SIX2: variants seen among roughly 807,000 people sequenced by gnomAD.
SIX2 encodes homeobox protein SIX2.
A neutral mutation model predicts 22.8 loss-of-function variants in SIX2; 20 were observed. The observed-to-expected ratio is 0.88, with a 90% CI of 0.62 to 1.28. The LOEUF (loss-of-function observed/expected upper bound fraction) is 1.28. Among genes scored for constraint, SIX2 ranks in the 50% most tolerant of loss-of-function variants. The pLI is 0.00. For synonymous variants in SIX2, 195 were observed against 186.4 expected (o/e 1.05, Z -0.37); for missense variants, 360 against 400.0 (o/e 0.90, Z 0.85).
chr2:45,008,685 C>A lies in SIX2; in HGVS notation c.426G>T (p.Trp142Cys). 1 of 1,614,078 alleles carries A rather than the reference C, an allele frequency of 6.2e-7. No individual in the cohort carries two copies. Among genetic ancestry groups the A allele is most frequent in the Non-Finnish European group, 8.5e-7 (1 of 1,179,960 alleles). Residue 142 changes from tryptophan to cysteine, a missense_variant, in exon 1 of 2, where the codon TGG (tryptophan) becomes TGT (cysteine). Trp to Cys is a radical substitution (Grantham distance 215). This residue lies in a region of SIX2 where 235 missense variants were observed against 231.9 expected (regional missense o/e 1.01). Transcript: ENST00000303077. ...KEKSRSVLRE[W>C]YAHNPYPSPR... ...GTGAAGGGTAGGGGTTGTGCGCGTACCACTCGCGCAGCACGCTGCGACTCT... is the reference window on the plus strand; with the variant it reads ...GTGAAGGGTAGGGGTTGTGCGCGTAACACTCGCGCAGCACGCTGCGACTCT...
chr2:45,008,680 G>A lies in SIX2; in HGVS notation c.431C>T (p.Ala144Val), dbSNP rs774627372. The A allele has an allele frequency of 1.9e-6, 3 of 1,613,980 alleles. No homozygotes were observed. In the East Asian group the frequency reaches 6.7e-5, roughly 36 times the overall value. Residue 144 changes from alanine (A) to valine (V), a missense_variant, in exon 1 of 2, where the codon GCG becomes GTG. Ala to Val is a moderately conservative substitution (Grantham distance 64). Transcript: ENST00000303077. ...KSRSVLREWY[A>V]HNPYPSPREK... is the part of the protein sequence containing the mutation. ...GCGGGGTGAAGGGTAGGGGTTGTGCGCGTACCACTCGCGCAGCACGCTGCG... is the reference window on the plus strand; with the variant it reads ...GCGGGGTGAAGGGTAGGGGTTGTGCACGTACCACTCGCGCAGCACGCTGCG...
Position 45,008,537 on chromosome 2 carries a change from C to G in SIX2, c.560+14G>C, listed in dbSNP as rs753713964. 1.9e-6 allele frequency: 3 copies of G among 1,612,670 alleles called. No individual in the cohort carries two copies. Among genetic ancestry groups the G allele is most frequent in the South Asian group, 1.1e-5 (1 of 91,076 alleles). On this transcript the variant is annotated intron_variant, in intron 1 of 1. Transcript: ENST00000303077. Reference sequence around the variant, plus strand: ...CCGGGGAGCTGGCGCCGAAGAAGGTCTACTTACTCGTACCTTTCCTTGGCC... The same window carrying G: ...CCGGGGAGCTGGCGCCGAAGAAGGTGTACTTACTCGTACCTTTCCTTGGCC...
At chr2:45,007,402 G>A (rs1667786819) in intron 1 of SIX2, among the ~76,000 whole-genome samples, 1 of 152,126 alleles carries the variant, frequency 6.6e-6, no homozygotes, top group Admixed American at 6.5e-5. Context: ...TTAAAATCCT[G>A]GGTAGGATCT....
At position 45,008,980 on chromosome 2, in the gene SIX2, T is replaced by C. The variant is rs761885079; in HGVS notation, c.131A>G (p.His44Arg). Reference sequence around the variant, plus strand: ...GGCCTTGAGCACGCTTTCATTCTTGTGAAGGTGCTCGCAGGCGGGCAGCGA... The same window carrying C: ...GGCCTTGAGCACGCTTTCATTCTTGCGAAGGTGCTCGCAGGCGGGCAGCGA... ...LWSLPACEHL[H>R]KNESVLKAKA... Residue 44 changes from histidine to arginine, a missense_variant, in exon 1 of 2, where the codon CAC becomes CGC. His to Arg is a conservative substitution (Grantham distance 29, BLOSUM62 0). Around this residue, in one of 3 missense-constraint regions of SIX2, gnomAD observed 118 missense variants for 135.1 expected, o/e 0.87. Coordinates refer to ENST00000303077, the MANE Select transcript of SIX2 (RefSeq NM_016932.5). The C allele has an allele frequency of 3.1e-6, 5 of 1,613,248 alleles. No individual in the cohort carries two copies. Among genetic ancestry groups the C allele is most frequent in the African/African-American group, 1.3e-5 (1 of 74,924 alleles).
rs1488391338 is a variant in SIX2 at position 45,006,498 on chromosome 2, G to A, written c.561-13C>T. The A allele has an allele frequency of 1.2e-6, 2 of 1,611,178 alleles. No homozygotes were observed. Among genetic ancestry groups the A allele is most frequent in the South Asian group, 1.1e-5 (1 of 91,046 alleles). On this transcript the variant is annotated splice_polypyrimidine_tract_variant and intron_variant, in intron 1 of 1. Coordinates refer to ENST00000303077, the MANE Select transcript of SIX2 (RefSeq NM_016932.5). The surrounding 1 kb of genome is among the most constrained non-coding windows in gnomAD (Gnocchi z 4.2). ...CTCGTTGTTCTCCCTGCAAGTGCGG[G>A]AGCAAAGCAGCGGGGTCAGCAGGGA...
In SIX2 at chr2:45,005,718, G is replaced by T; in HGVS notation, c.*452C>A. The T allele has an allele frequency of 3.4e-6, 1 of 297,826 alleles. No individual in the cohort carries two copies. The allele number at this position is 297,826 out of a possible 1,614,324, so 18.4% of individuals were successfully genotyped here. A position where few individuals can be genotyped will look rare whatever the true frequency, so the allele number is the denominator to read the frequency against. ...AAGAGAGGAGAAACAGAGAAGGAGA[G>T]AGAAAGGGAGAGACAGAAGGAGAGA... On this transcript the variant is annotated 3_prime_UTR_variant, in exon 2 of 2. Coordinates refer to ENST00000303077, the MANE Select transcript of SIX2 (RefSeq NM_016932.5).
rs1572647552 is a variant in SIX2, at chr2:45,005,334, C to T, written c.*836G>A. The T allele has an allele frequency of 6.6e-6, 1 of 152,216 alleles. No individual in the cohort carries two copies. The highest frequency in any genetic ancestry group is 2.4e-5 in the African/African-American group (1 of 41,450). 9.4% of individuals were successfully genotyped at this position (152,216 alleles called of 1,614,324 possible). A position where few individuals can be genotyped will look rare whatever the true frequency, so the allele number is the denominator to read the frequency against. On this transcript the variant is annotated 3_prime_UTR_variant, in exon 2 of 2. Transcript: ENST00000303077. ...CGCGCTCAGCCGGGAGCGCTGTAGT[C>T]ACAGTCCCGGGAGGAAGAGCGCGGT...
Position 45,005,930 on chromosome 2 carries a change from T to C in SIX2, c.*240A>G. On this transcript the variant is annotated 3_prime_UTR_variant, in exon 2 of 2. Transcript: ENST00000303077. ...TGACAGTGGTGTATAATTTATTCCC[T>C]TCTGTGGTTCAAGACTCAGTCTCCA... 1.6e-6 allele frequency: 1 copy of C among 619,898 alleles called. No individual in the cohort carries two copies. Among genetic ancestry groups the C allele is most frequent in the Admixed American group, 2.6e-5 (1 of 38,106 alleles). 38.4% of individuals were successfully genotyped at this position (619,898 alleles called of 1,614,324 possible). A position where few individuals can be genotyped will look rare whatever the true frequency, so the allele number is the denominator to read the frequency against.
At chr2:45,008,446 C>G (rs900280089) in intron 1 of SIX2, 105 bp downstream of exon 1, 3 of 1,259,330 alleles carry the variant, frequency 2.4e-6, no homozygotes, top group African/African-American at 2.9e-5. Context: ...TGTGGCCGGG[C>G]CTGGGGGCCC....
At position 45,008,890 on chromosome 2, in the gene SIX2, T is replaced by C; in HGVS notation, c.221A>G (p.Gln74Arg). The C allele has an allele frequency of 6.2e-7, 1 of 1,614,026 alleles. No homozygotes were observed. The highest frequency in any genetic ancestry group is 8.5e-7 in the Non-Finnish European group (1 of 1,179,980). The change falls in exon 1 of 2, where the codon CAG becomes CGG. Residue 74 changes from glutamine (Q) to arginine (R), a missense_variant. Around this residue, in one of 3 missense-constraint regions of SIX2, gnomAD observed 118 missense variants for 135.1 expected, o/e 0.87. Transcript: ENST00000303077. ...RELYKILESH[Q>R]FSPHNHAKLQ... ...CTTGGCGTGGTTGTGCGGCGAGAAC[T>C]GGTGGCTCTCCAGGATCTTGTAGAG...
rs1419665425 is a variant in SIX2 at position 45,008,609 on chromosome 2, C to T, written c.502G>A (p.Val168Ile). 6.2e-7 allele frequency: 1 copy of T among 1,614,056 alleles called. No homozygotes were observed. Among genetic ancestry groups the T allele is most frequent in the East Asian group, 2.2e-5 (1 of 44,880 alleles). The change falls in exon 1 of 2, where the codon GTC becomes ATC. Residue 168 changes from valine (V) to isoleucine (I), a missense_variant. Physicochemically the swap from Val to Ile is conservative, Grantham distance 29. Coordinates refer to ENST00000303077, the MANE Select transcript of SIX2 (RefSeq NM_016932.5). ...CGCCGGTTCTTGAACCAGTTGCTGA[C>T]CTGTGTGGTGGTGAGGCCCGTGGCC... ...AEATGLTTTQ[V>I]SNWFKNRRQR...
chr2:45,008,103 G>C (rs750802399), intron 1 of SIX2, among the ~76,000 whole-genome samples: 2 of 152,124 alleles, frequency 1.3e-5, no homozygotes, highest in Non-Finnish European at 2.9e-5. Flanking sequence ...CCCCAGTCCC[G>C]ACCCCATCAC....
Position 45,008,603 on chromosome 2 carries a change from T to A in SIX2, c.508A>T (p.Asn170Tyr). ...CGCTGCCGCCGGTTCTTGAACCAGT[T>A]GCTGACCTGTGTGGTGGTGAGGCCC... Reference protein sequence around the residue: ...ATGLTTTQVSNWFKNRRQRDR... With the variant: ...ATGLTTTQVSYWFKNRRQRDR... Residue 170 changes from asparagine to tyrosine, a missense_variant, in exon 1 of 2, where the codon AAC becomes TAC. Transcript: ENST00000303077. The A allele has an allele frequency of 6.2e-7, 1 of 1,614,028 alleles. No individual in the cohort carries two copies. Among genetic ancestry groups the A allele is most frequent in the East Asian group, 2.2e-5 (1 of 44,870 alleles).
intron 1 of SIX2, 80 bp downstream of exon 1, chr2:45,008,471 C>G: frequency 6.7e-7 from 1 of 1,501,370 alleles, no homozygotes; most frequent in South Asian, 1.1e-5. Flanking sequence ...TAGGCCTCTC[C>G]GGGGGACCGG....
rs1667742501 is a variant in SIX2 at position 45,005,888 on chromosome 2, C to CA, written c.*281dup. ...GACAAGAGAGGGTAAAAGGAAGAGA[C>CA]AGAGGGAGAGAGAGAATGACAGTGG... is the stretch of plus-strand genomic sequence containing the variant. On this transcript the variant is annotated 3_prime_UTR_variant, in exon 2 of 2. Transcript: ENST00000303077. The CA allele has an allele frequency of 5.4e-6, 3 of 554,638 alleles. No homozygotes were observed. The East Asian group carries it at 9.4e-5, about 17-fold the overall frequency. 34.4% of individuals were successfully genotyped at this position (554,638 alleles called of 1,614,324 possible).
chr2:45,006,515 C>T lies in SIX2; in HGVS notation c.561-30G>A, dbSNP rs749011017. ...AAGTGCGGGAGCAAAGCAGCGGGGTCAGCAGGGACATCGAGACCACCCAGC... is the reference window on the plus strand; with the variant it reads ...AAGTGCGGGAGCAAAGCAGCGGGGTTAGCAGGGACATCGAGACCACCCAGC... On this transcript the variant is annotated intron_variant, in intron 1 of 1. Coordinates refer to ENST00000303077, the MANE Select transcript of SIX2 (RefSeq NM_016932.5). The surrounding 1 kb of genome is among the most constrained non-coding windows in gnomAD (Gnocchi z 4.2). 3.7e-6 allele frequency: 6 copies of T among 1,602,450 alleles called. No individual in the cohort carries two copies. The highest frequency in any genetic ancestry group is 1.7e-6 in the Non-Finnish European group (2 of 1,174,632).
At position 45,006,082 on chromosome 2, in the gene SIX2, G is replaced by A. The variant is rs1282623527; in HGVS notation, c.*88C>T. 1 of 1,424,286 alleles carries A rather than the reference G, an allele frequency of 7.0e-7. No individual in the cohort carries two copies. The highest frequency in any genetic ancestry group is 9.9e-7 in the Non-Finnish European group (1 of 1,006,876). 88.2% of individuals were successfully genotyped at this position (1,424,286 alleles called of 1,614,324 possible). A position where few individuals can be genotyped will look rare whatever the true frequency, so the allele number is the denominator to read the frequency against. On this transcript the variant is annotated 3_prime_UTR_variant, in exon 2 of 2. Transcript: ENST00000303077. The surrounding 1 kb of genome is among the most constrained non-coding windows in gnomAD (Gnocchi z 4.2). ...TGCGGGTCTTTCAGTACCTGGTGGGGCCGCAGGGGCGGGGCGCCCCTGGAC... is the reference window on the plus strand; with the variant it reads ...TGCGGGTCTTTCAGTACCTGGTGGGACCGCAGGGGCGGGGCGCCCCTGGAC...
Position 45,009,182 on chromosome 2 carries a change from C to T in SIX2, c.-72G>A. The T allele has an allele frequency of 7.7e-7, 1 of 1,297,328 alleles. No individual in the cohort carries two copies. The highest frequency in any genetic ancestry group is 2.1e-5 in the South Asian group (1 of 48,724). 80.4% of individuals were successfully genotyped at this position (1,297,328 alleles called of 1,614,324 possible). On this transcript the variant is annotated 5_prime_UTR_variant, in exon 1 of 2. Coordinates refer to ENST00000303077, the MANE Select transcript of SIX2 (RefSeq NM_016932.5). ...GCGCGGTCCCGCATGGGAGCTTCCT[C>T]GCCGGGCCGTCCGGGCCGAGACGCG... is the stretch of plus-strand genomic sequence containing the variant.
Position 45,006,238 on chromosome 2 carries a change from GT to G in SIX2, c.807del (p.Gln269HisfsTer29). 6.2e-7 allele frequency: 1 copy of G among 1,614,260 alleles called. No individual in the cohort carries two copies. The highest frequency in any genetic ancestry group is 8.5e-7 in the Non-Finnish European group (1 of 1,180,032). ...VPGGGGADPLQHHHGLQDSIL... is the reference protein window; with the variant it reads ...VPGGGGADPLXHHHGLQDSIL... The stretch of plus-strand genomic sequence containing the variant: ...ATGGAGTCCTGCAGGCCATGGTGGT[GT>G]TGCAGTGGGTCCGCTCCACCTCCGC... On this transcript the variant is annotated frameshift_variant, in exon 2 of 2. Coordinates refer to ENST00000303077, the MANE Select transcript of SIX2 (RefSeq NM_016932.5). LOFTEE classifies it high-confidence loss of function. The surrounding 1 kb of genome is among the most constrained non-coding windows in gnomAD (Gnocchi z 4.2).
Sources: gnomAD v4.1 joint callset for allele counts (sites outside exome capture counted in the v4.1 genomes callset) on GRCh38, gnomAD v4.1.1 for gene constraint, gnomAD v4.1.1 regional missense constraint, Gnocchi (gnomAD v3.1) non-coding constraint, MANE v1.5 for transcripts, NCBI Gene and HGNC (gene_info 2026-07-23, HGNC 2026-07-21) for gene names.